The following CSMD2 variants were observed in gnomAD, a reference collection of about 807,000 sequenced individuals.
CSMD2 encodes the protein CUB and sushi domain-containing protein 2.
In CSMD2, 130 loss-of-function variants were observed where a neutral mutation model predicts 398.5. The ratio of observed to expected loss-of-function variants is 0.33; its 90% CI spans 0.28 to 0.38. CSMD2 has a LOEUF of 0.38. Among genes scored for constraint, CSMD2 ranks in the 10% least tolerant of loss-of-function variants. The probability of loss-of-function intolerance (pLI) is 1.00; values close to 1 mark genes in which losing one functional copy is unlikely to be tolerated. For missense variants in CSMD2, 3,829 were observed against 4,764.9 expected (o/e 0.80, Z 5.78); for synonymous variants, 1,828 against 1,908.5 (o/e 0.96, Z 1.10).
Position 33,700,653 on chromosome 1 carries a change from G to A in CSMD2, c.3597C>T (p.Asn1199=), listed in dbSNP as rs1238978164. Residue 1199 remains asparagine (N), a synonymous_variant, in exon 23 of 71, where the codon AAC becomes AAT. Coordinates refer to ENST00000373381, the MANE Select transcript of CSMD2 (RefSeq NM_001281956.2). The part of the protein sequence containing the change: ...DVLKVYDGNN[N]SARLLGVFSH... Reference sequence around the variant, plus strand: ...TAAAAACTCCCAGCAAACGGGCGGAGTTGTTGTTGCCATCATAAACCTGGA... The same window carrying A: ...TAAAAACTCCCAGCAAACGGGCGGAATTGTTGTTGCCATCATAAACCTGGA... 4 of 1,614,174 alleles carry A rather than the reference G, an allele frequency of 2.5e-6. No homozygotes were observed. Among genetic ancestry groups the A allele is most frequent in the Non-Finnish European group, 3.4e-6 (4 of 1,180,030 alleles).
chr1:33,669,335 G>A (rs1317347846), intron 25 of CSMD2, among the ~76,000 whole-genome samples: 1 of 152,192 alleles, frequency 6.6e-6, no homozygotes, highest in Non-Finnish European at 1.5e-5. Flanking sequence ...CAAATTAAGA[G>A]GAATCGAAAG....
At chr1:33,711,280 C>T (rs1251731042) in intron 21 of CSMD2, among the ~76,000 whole-genome samples, 3 of 152,162 alleles carry the variant, frequency 2.0e-5, no homozygotes, top group Admixed American at 1.3e-4. Context: ...AGCATCTCTC[C>T]ATTTTCTCTG....
chr1:33,653,125 T>TA (rs1284407994), intron 27 of CSMD2, among the ~76,000 whole-genome samples: 1 of 152,224 alleles, frequency 6.6e-6, no homozygotes, highest in Non-Finnish European at 1.5e-5. Flanking sequence ...GGAACTCATC[T>TA]AGCCTCTCTA....
chr1:33,814,038 C>A (rs1418644629), intron 9 of CSMD2: 1 of 152,396 alleles, frequency 6.6e-6, no homozygotes, highest in Non-Finnish European at 1.5e-5. Context: ...TTCTGAACCT[C>A]CAGTAGAGTT....
intron 6 of CSMD2, chr1:33,839,195 G>C (rs1268260059): frequency 6.6e-6 from 1 of 152,226 alleles, no homozygotes; most frequent in East Asian, 1.9e-4. Context: ...GAGAAGTCCA[G>C]AAAGGAGAAT....
At chr1:33,566,799 A>T (rs1659095415) in intron 53 of CSMD2, among the ~76,000 whole-genome samples, 2 of 152,236 alleles carry the variant, frequency 1.3e-5, no homozygotes, top group African/African-American at 2.4e-5. Context: ...CAGAAACTAC[A>T]GGAAGTGCAA....
In CSMD2 at chr1:34,103,314, T is replaced by TTTTTTTTTC. The variant is rs1553316154; in HGVS notation, c.188-14122_188-14121insGAAAAAAAA. ...CTTTTTTTTTTTTTTTTTTTTTCTT[T>TTTTTTTTTC]CTGAGCCAGATTCTCGCTCTGTCAA... is the stretch of plus-strand genomic sequence containing the variant. On this transcript the variant is annotated intron_variant, in intron 1 of 70. Transcript: ENST00000373381. Among the ~76,000 whole-genome samples, 2 of 114,658 alleles carry TTTTTTTTTC rather than the reference T, an allele frequency of 1.7e-5. 1 individual carries two copies. The highest frequency in any genetic ancestry group is 3.5e-5 in the Non-Finnish European group (2 of 57,680). The allele number at this position is 114,658 out of a possible 152,430, so 75.2% of individuals were successfully genotyped here.
intron 53 of CSMD2, among the ~76,000 whole-genome samples, chr1:33,562,460 C>T (rs1381421727): frequency 1.3e-5 from 2 of 152,168 alleles, no homozygotes; most frequent in Non-Finnish European, 2.9e-5. Context: ...GGCCTAGGAC[C>T]AGAGATACTG....
intron 5 of CSMD2, chr1:33,864,305 T>TA: frequency 6.2e-7 from 1 of 1,613,878 alleles, no homozygotes; most frequent in Non-Finnish European, 8.5e-7. Context: ...ATGTTGGCTT[T>TA]AAAGAGTTCT....
intron 1 of CSMD2, among the ~76,000 whole-genome samples, chr1:34,118,852 C>T (rs1330987815): frequency 6.6e-6 from 1 of 152,146 alleles, no homozygotes; most frequent in Non-Finnish European, 1.5e-5. Context: ...CTCATATTTT[C>T]CCAAAGTGAT....
Position 33,537,479 on chromosome 1 carries a change from G to A in CSMD2, c.9762C>T (p.Cys3254=), listed in dbSNP as rs748793360. ...TGCCACTCCATGTCCCATCTGACTG[G>A]CAAAACCTGCGTGGAGAGCCCACCA... The part of the protein sequence containing the change: ...LVLVGSPRRF[C]QSDGTWSGTQ... The change falls in exon 61 of 71, where the codon TGC becomes TGT. Residue 3254 remains cysteine, a synonymous_variant. Transcript: ENST00000373381. The surrounding 1 kb of genome is among the most constrained non-coding windows in gnomAD (Gnocchi z 4.6). The A allele has an allele frequency of 5.6e-6, 9 of 1,614,116 alleles. No homozygotes were observed. In the Admixed American group the frequency reaches 1.5e-4, roughly 27 times the overall value.
chr1:33,949,589 C>T (rs1644942547), intron 3 of CSMD2, among the ~76,000 whole-genome samples: 1 of 152,226 alleles, frequency 6.6e-6, no homozygotes, highest in South Asian at 2.1e-4. Flanking sequence ...CTGATCCTCG[C>T]CTCAGCTGCC....
intron 64 of CSMD2, among the ~76,000 whole-genome samples, chr1:33,527,482 T>C (rs952820428): frequency 6.6e-6 from 1 of 152,210 alleles, no homozygotes; most frequent in Admixed American, 6.5e-5. Context: ...GTCCATTTTA[T>C]TAGTTGGAGT....
At chr1:33,957,588 A>G (rs766328369) in intron 3 of CSMD2, among the ~76,000 whole-genome samples, 18 of 151,970 alleles carry the variant, frequency 1.2e-4, no homozygotes, top group Non-Finnish European at 2.4e-4. Flanking sequence ...TTCAGGCTTA[A>G]TGTCAATGAG....
intron 22 of CSMD2, among the ~76,000 whole-genome samples, chr1:33,701,318 G>A (rs1645606131): frequency 6.6e-6 from 1 of 152,176 alleles, no homozygotes; most frequent in African/African-American, 2.4e-5. Context: ...AATCGTACAG[G>A]CATCTGGCTT....
chr1:34,137,283 A>C (rs1638850051), intron 1 of CSMD2, among the ~76,000 whole-genome samples: 1 of 114,812 alleles, frequency 8.7e-6, no homozygotes, highest in Admixed American at 7.9e-5. Flanking sequence ...AGCAAGGCCC[A>C]GTGAGTATAA....
intron 3 of CSMD2, among the ~76,000 whole-genome samples, chr1:34,023,995 G>T (rs1268277527): frequency 6.6e-6 from 1 of 152,148 alleles, no homozygotes; most frequent in East Asian, 1.9e-4. Context: ...CTATTAAAGT[G>T]GGCATTATAG....
At chr1:33,592,674 G>A (rs759924736) in intron 44 of CSMD2, among the ~76,000 whole-genome samples, 4 of 152,174 alleles carry the variant, frequency 2.6e-5, no homozygotes, top group Non-Finnish European at 5.9e-5. Flanking sequence ...TGACGGCCGG[G>A]CGCGGTGGCT....
At chr1:34,035,151 G>GT (rs769984978) in intron 2 of CSMD2, among the ~76,000 whole-genome samples, 10 of 152,022 alleles carry the variant, frequency 6.6e-5, no homozygotes, top group Non-Finnish European at 1.0e-4. Flanking sequence ...ACAAACTACC[G>GT]TAAGTTTCCC....
Sources: gnomAD v4.1 joint callset for allele counts (sites outside exome capture counted in the v4.1 genomes callset) on GRCh38, gnomAD v4.1.1 for gene constraint, Gnocchi (gnomAD v3.1) non-coding constraint, MANE v1.5 for transcripts, NCBI Gene and HGNC (gene_info 2026-07-23, HGNC 2026-07-21) for gene names.